LPAR1: variants seen among roughly 807,000 people sequenced by gnomAD.
The protein encoded by LPAR1 is lysophosphatidic acid receptor 1, also known as LPA receptor 1.
Under a neutral mutation model 23.8 loss-of-function variants are expected in LPAR1, and 5 were observed. The ratio of observed to expected loss-of-function variants is 0.21; its 90% CI spans 0.11 to 0.44. The LOEUF (loss-of-function observed/expected upper bound fraction) is 0.44, where lower values mean the gene tolerates loss of function less well. Ranked by LOEUF, LPAR1 falls within the 20% of genes least tolerant of loss-of-function variation. The pLI, the probability that LPAR1 is intolerant of heterozygous loss-of-function variation, is 0.99. For synonymous variants in LPAR1, 160 were observed against 164.7 expected, an observed-to-expected ratio of 0.97 and a Z score of 0.22; for missense variants, 311 against 482.8, an observed-to-expected ratio of 0.64 and a Z score of 3.33.
At chr9:110,956,382 T>TATA (rs199743157) in intron 4 of LPAR1, among the ~76,000 whole-genome samples, 9 of 151,418 alleles carry the variant, frequency 5.9e-5, no homozygotes, top group Admixed American at 3.9e-4. Flanking sequence ...GAACTTAAAG[T>TATA]ATAATAATAA....
chr9:111,019,192 C>T (rs539879224), intron 2 of LPAR1, among the ~76,000 whole-genome samples: 1 of 152,056 alleles, frequency 6.6e-6, no homozygotes, highest in South Asian at 2.1e-4. Flanking sequence ...ACACTAAGGG[C>T]CAGGTATGGT....
chr9:110,967,767 C>CA (rs529307502), intron 4 of LPAR1, among the ~76,000 whole-genome samples: 2 of 152,176 alleles, frequency 1.3e-5, no homozygotes, highest in Non-Finnish European at 2.9e-5. Flanking sequence ...AGCTTCGGGG[C>CA]AAGGGCAAGT....
chr9:110,998,773 A>G (rs1449830082), intron 2 of LPAR1, among the ~76,000 whole-genome samples: 2 of 152,222 alleles, frequency 1.3e-5, no homozygotes, highest in Non-Finnish European at 2.9e-5. Flanking sequence ...GAACTGGACA[A>G]TAGGTCTGAG....
At chr9:110,883,434 C>G (rs577159) in intron 5 of LPAR1, among the ~76,000 whole-genome samples, 110,359 of 152,006 alleles carry the variant, frequency 0.73, 40,631 homozygotes, top group East Asian at 0.96. Context: ...AAGAAACAAA[C>G]AAAAATTTTT....
chr9:111,011,597 T>C (rs754899892), intron 2 of LPAR1, among the ~76,000 whole-genome samples: 1 of 152,200 alleles, frequency 6.6e-6, no homozygotes, highest in Non-Finnish European at 1.5e-5. Context: ...CTTTCCTCTG[T>C]CTCATAATTC....
chr9:111,000,521 T>C (rs17467596), intron 2 of LPAR1, among the ~76,000 whole-genome samples: 7,802 of 152,228 alleles, frequency 0.051, 270 homozygotes, highest in South Asian at 0.067. Flanking sequence ...CACAAAGGCA[T>C]CAGGCTAAAA....
At chr9:110,878,736 C>T (rs1164853429) in intron 5 of LPAR1, among the ~76,000 whole-genome samples, 1 of 152,134 alleles carries the variant, frequency 6.6e-6, no homozygotes, top group African/African-American at 2.4e-5. Flanking sequence ...TCTACCTGAC[C>T]ACCATGACTT....
chr9:110,931,070 G>A (rs924143529), intron 5 of LPAR1, among the ~76,000 whole-genome samples: 3 of 152,160 alleles, frequency 2.0e-5, no homozygotes, highest in Non-Finnish European at 4.4e-5. Context: ...ATAGCTAAGT[G>A]AAATACTAAT....
intron 2 of LPAR1, among the ~76,000 whole-genome samples, chr9:111,021,663 A>C (rs2097562138): frequency 6.6e-6 from 1 of 152,346 alleles, no homozygotes; most frequent in Non-Finnish European, 1.5e-5. Context: ...TATGATATAA[A>C]GTCTTAAAAG....
intron 5 of LPAR1, among the ~76,000 whole-genome samples, chr9:110,905,665 T>A (rs973325605): frequency 3.9e-5 from 6 of 152,180 alleles, no homozygotes; most frequent in African/African-American, 1.4e-4. Context: ...CTATGTTTTA[T>A]AAATAAGTAT....
At chr9:110,903,556 A>T (rs2090067537) in intron 5 of LPAR1, 1 of 152,182 alleles carries the variant, frequency 6.6e-6, no homozygotes, top group African/African-American at 2.4e-5. Context: ...AGAATCAGTG[A>T]ACCTGAGAAC....
Position 110,929,364 on chromosome 9 carries a change from T to C in LPAR1, c.793+12057A>G, listed in dbSNP as rs1430398320. 2.0e-5 allele frequency among the ~76,000 whole-genome samples: 3 copies of C among 152,126 alleles called. 1 individual carries two copies. Among genetic ancestry groups the C allele is most frequent in the Admixed American group, 2.0e-4 (3 of 15,262 alleles). The stretch of plus-strand genomic sequence containing the variant: ...GTACCAACAGAAGAAAAAAATTGTT[T>C]ATATGAAAAAAACAAATTTCATTAA... On this transcript the variant is annotated intron_variant, in intron 5 of 5. Coordinates refer to ENST00000683809, the MANE Select transcript of LPAR1 (RefSeq NM_001351411.2).
intron 5 of LPAR1, among the ~76,000 whole-genome samples, chr9:110,889,039 G>A (rs1301602354): frequency 6.6e-6 from 1 of 152,180 alleles, no homozygotes; most frequent in African/African-American, 2.4e-5. Flanking sequence ...GTGGCTATGG[G>A]CATGAATTAG....
In LPAR1 at chr9:110,987,074, A is replaced by G. The variant is rs146154783; in HGVS notation, c.-181-13516T>C. 9.8e-3 allele frequency among the ~76,000 whole-genome samples: 1,495 copies of G among 152,222 alleles called. 27 individuals carry two copies. The highest frequency in any genetic ancestry group is 0.034 in the African/African-American group (1,399 of 41,540). ...TGCATGGTTTCCATCAAGATCCTAA[A>G]AAGTGTGCTGAATCAGAAGGCATGT... On this transcript the variant is annotated intron_variant, in intron 2 of 5. Coordinates refer to ENST00000683809, the MANE Select transcript of LPAR1 (RefSeq NM_001351411.2).
At chr9:111,018,039 CA>C (rs146799153) in intron 2 of LPAR1, among the ~76,000 whole-genome samples, 2 of 150,990 alleles carry the variant, frequency 1.3e-5, no homozygotes, top group African/African-American at 4.9e-5. Flanking sequence ...AACAAACAAA[CA>C]AAAAAAAACT....
At chr9:110,953,746 T>A (rs1301135949) in intron 4 of LPAR1, among the ~76,000 whole-genome samples, 1 of 151,218 alleles carries the variant, frequency 6.6e-6, no homozygotes, top group Non-Finnish European at 1.5e-5. Flanking sequence ...CTTCACATAC[T>A]CAGAATCAAA....
chr9:110,929,548 C>T lies in LPAR1; in HGVS notation c.793+11873G>A, dbSNP rs534536861. Among the ~76,000 whole-genome samples the T allele has an allele frequency of 3.7e-4, 57 of 152,102 alleles. 1 individual carries two copies. In the South Asian group the frequency reaches 0.011, roughly 30 times the overall value. The stretch of plus-strand genomic sequence containing the variant: ...TACAATCCTTTATTTCAAGGCAACT[C>T]AAAATAAAATGCAGAAATAGTAAAT... On this transcript the variant is annotated intron_variant, in intron 5 of 5. Coordinates refer to ENST00000683809, the MANE Select transcript of LPAR1 (RefSeq NM_001351411.2).
At chr9:111,011,647 T>C (rs1021971589) in intron 2 of LPAR1, among the ~76,000 whole-genome samples, 4 of 152,172 alleles carry the variant, frequency 2.6e-5, no homozygotes. Flanking sequence ...CACTTTTCAC[T>C]GAGAACACGA....
chr9:110,930,948 T>C (rs2094376297), intron 5 of LPAR1, among the ~76,000 whole-genome samples: 1 of 152,136 alleles, frequency 6.6e-6, no homozygotes, highest in East Asian at 1.9e-4. Context: ...ATTATGCCAG[T>C]GCAAAATGCA....
Sources: gnomAD v4.1 joint callset for allele counts (sites outside exome capture counted in the v4.1 genomes callset) on GRCh38, gnomAD v4.1.1 for gene constraint, MANE v1.5 for transcripts, NCBI Gene and HGNC (gene_info 2026-07-23, HGNC 2026-07-21) for gene names.